Variants in POFUT3 observed in about 807,000 individuals in gnomAD.
POFUT3 encodes protein O-fucosyltransferase 3, also known as GDP-fucose protein O-fucosyltransferase 3.
At chr8:33,319,954 T>C in the POFUT3 span, among the ~76,000 whole-genome samples, 1 of 150,142 alleles carries the variant, frequency 6.7e-6, no homozygotes, top group Non-Finnish European at 1.5e-5. Context: ...TCATGATTCA[T>C]GGAATGGAGA....
chr8:33,406,934 CA>C, the POFUT3 span, among the ~76,000 whole-genome samples: 2 of 151,860 alleles, frequency 1.3e-5, no homozygotes, highest in South Asian at 2.1e-4. Flanking sequence ...TTTTAAAAAT[CA>C]AAAAACTAAC....
chr8:33,426,751 G>C, the POFUT3 span, among the ~76,000 whole-genome samples: 2 of 152,210 alleles, frequency 1.3e-5, no homozygotes, highest in Admixed American at 6.5e-5. Context: ...CAGGGGAAAG[G>C]AGGGCCTGGA....
At chr8:33,314,188 A>G in the POFUT3 span, among the ~76,000 whole-genome samples, 2 of 152,190 alleles carry the variant, frequency 1.3e-5, no homozygotes, top group African/African-American at 4.8e-5. Context: ...GTCTCTTGCC[A>G]GAGGTGAATC....
the POFUT3 span, among the ~76,000 whole-genome samples, chr8:33,439,061 C>G: frequency 6.6e-6 from 1 of 152,216 alleles, no homozygotes; most frequent in African/African-American, 2.4e-5. Context: ...TCCTTCTGCT[C>G]TGCATCTCAA....
the POFUT3 span, among the ~76,000 whole-genome samples, chr8:33,441,378 CT>C: frequency 8.8e-3 from 1,006 of 114,032 alleles, 4 homozygotes; most frequent in Non-Finnish European, 0.01. Flanking sequence ...TTTTTCCTGC[CT>C]TTTTTTTTTT....
chr8:33,369,185 A>T, the POFUT3 span, among the ~76,000 whole-genome samples: 1 of 152,218 alleles, frequency 6.6e-6, no homozygotes, highest in African/African-American at 2.4e-5. Context: ...TCATCACAAT[A>T]ACCTCACAAG....
chr8:33,355,305 A>G, the POFUT3 span, among the ~76,000 whole-genome samples: 1 of 152,226 alleles, frequency 6.6e-6, no homozygotes, highest in Non-Finnish European at 1.5e-5. Context: ...ACTTGTAAAG[A>G]ACTCATATTT....
At chr8:33,458,647 C>T in the POFUT3 span, among the ~76,000 whole-genome samples, 2 of 151,900 alleles carry the variant, frequency 1.3e-5, no homozygotes, top group East Asian at 3.9e-4. Context: ...ACCCAGGAGG[C>T]AGAGGTTGCA....
the POFUT3 span, among the ~76,000 whole-genome samples, chr8:33,320,481 G>T: frequency 6.6e-6 from 1 of 151,954 alleles, no homozygotes; most frequent in Non-Finnish European, 1.5e-5. Flanking sequence ...TATTTGCAAT[G>T]GTTTCTCTTC....
At chr8:33,401,296 T>C in the POFUT3 span, among the ~76,000 whole-genome samples, 1 of 152,042 alleles carries the variant, frequency 6.6e-6, no homozygotes, top group African/African-American at 2.4e-5. Context: ...TAGACTCATA[T>C]TCTCTTGTCA....
chr8:33,388,946 A>G, the POFUT3 span: 1 of 1,604,128 alleles, frequency 6.2e-7, no homozygotes, highest in Non-Finnish European at 8.5e-7. Flanking sequence ...CTCTATGCCC[A>G]CCTTTGATTT....
At chr8:33,349,704 T>TGAGA in the POFUT3 span, among the ~76,000 whole-genome samples, 2 of 152,220 alleles carry the variant, frequency 1.3e-5, no homozygotes, top group Admixed American at 6.5e-5. Flanking sequence ...TTAGGCTAGT[T>TGAGA]CCATATTTTT....
At chr8:33,350,481 G>A in the POFUT3 span, among the ~76,000 whole-genome samples, 1 of 152,142 alleles carries the variant, frequency 6.6e-6, no homozygotes, top group Non-Finnish European at 1.5e-5. Context: ...ATTGTGGTGA[G>A]TTAGACCCTG....
chr8:33,414,380 T>C, the POFUT3 span, among the ~76,000 whole-genome samples: 11 of 152,174 alleles, frequency 7.2e-5, no homozygotes, highest in Non-Finnish European at 1.3e-4. Context: ...TCCTCCTAAA[T>C]ATCATTTACT....
At chr8:33,339,400 G>A in the POFUT3 span, among the ~76,000 whole-genome samples, 1 of 152,132 alleles carries the variant, frequency 6.6e-6, no homozygotes, top group Non-Finnish European at 1.5e-5. Flanking sequence ...AGAGAAAATG[G>A]ATTGAAATAA....
chr8:33,322,667 A>G, the POFUT3 span, among the ~76,000 whole-genome samples: 2 of 152,318 alleles, frequency 1.3e-5, no homozygotes, highest in Non-Finnish European at 2.9e-5. Context: ...CAAAGACAAC[A>G]GGCAATCTAA....
the POFUT3 span, chr8:33,436,303 C>G: frequency 2.2e-6 from 3 of 1,344,022 alleles, no homozygotes; most frequent in Non-Finnish European, 3.2e-6. Flanking sequence ...TCTGTGTTAT[C>G]AAGGCCCTTG....
chr8:33,445,898 A>T, the POFUT3 span, among the ~76,000 whole-genome samples: 4 of 152,006 alleles, frequency 2.6e-5, no homozygotes, highest in African/African-American at 9.7e-5. Context: ...ACCTCAGAAT[A>T]AAAAAAAGTT....
the POFUT3 span, among the ~76,000 whole-genome samples, chr8:33,337,849 A>G: frequency 6.6e-6 from 1 of 152,220 alleles, no homozygotes; most frequent in South Asian, 2.1e-4. Context: ...ACAGTTCTAG[A>G]GGCTGGAAGT....
Sources: allele counts gnomAD v4.1 joint callset (sites outside exome capture counted in the v4.1 genomes callset), GRCh38; gene constraint gnomAD v4.1.1; transcripts MANE v1.5; gene names NCBI Gene and HGNC (gene_info 2026-07-23, HGNC 2026-07-21).